The following BICC1 variants were observed in gnomAD, a reference collection of about 807,000 sequenced individuals.
The protein encoded by BICC1 is protein bicaudal C homolog 1.
A neutral mutation model predicts 111.0 loss-of-function variants in BICC1; 43 were observed. The ratio of observed to expected loss-of-function variants is 0.39; its 90% confidence interval spans 0.30 to 0.50. The LOEUF (loss-of-function observed/expected upper bound fraction) is 0.50, where lower values mean the gene tolerates loss of function less well. Ranked by LOEUF, BICC1 falls within the 20% of genes least tolerant of loss-of-function variation. BICC1 has a pLI of 0.88. For missense variants in BICC1, 1,091 were observed against 1,203.2 expected, an observed-to-expected ratio of 0.91 and a Z score of 1.38; for synonymous variants, 467 against 434.4, an observed-to-expected ratio of 1.07 and a Z score of -0.93.
At chr10:58,582,249 C>T (rs1844302979) in intron 1 of BICC1, among the ~76,000 whole-genome samples, 1 of 152,144 alleles carries the variant, frequency 6.6e-6, no homozygotes, top group South Asian at 2.1e-4. Flanking sequence ...AAACTCTCCA[C>T]TTTATATTTA....
chr10:58,601,607 C>T (rs953588530), intron 1 of BICC1, among the ~76,000 whole-genome samples: 1 of 151,912 alleles, frequency 6.6e-6, no homozygotes, highest in African/African-American at 2.4e-5. Context: ...AATAGAATTA[C>T]TGGATCAAGT....
At chr10:58,721,517 A>C (rs1166189892) in intron 3 of BICC1, among the ~76,000 whole-genome samples, 1 of 152,226 alleles carries the variant, frequency 6.6e-6, no homozygotes, top group Non-Finnish European at 1.5e-5. Context: ...GTGCAGGAAT[A>C]TGGCAAAATG....
chr10:58,682,707 C>T (rs945028236), intron 2 of BICC1, among the ~76,000 whole-genome samples: 22 of 152,134 alleles, frequency 1.4e-4, no homozygotes, highest in Non-Finnish European at 2.2e-4. Flanking sequence ...TCATATCCTT[C>T]GCCCACTTTT....
intron 3 of BICC1, among the ~76,000 whole-genome samples, chr10:58,778,065 T>C (rs1842794475): frequency 6.6e-6 from 1 of 151,790 alleles, no homozygotes; most frequent in Non-Finnish European, 1.5e-5. Context: ...TACAAAAAAT[T>C]AGCCAGGCAT....
At chr10:58,790,791 C>G (rs1771820361) in intron 8 of BICC1, among the ~76,000 whole-genome samples, 1 of 152,172 alleles carries the variant, frequency 6.6e-6, no homozygotes. Context: ...CACCACTGCA[C>G]TGCATTTCAA....
intron 2 of BICC1, among the ~76,000 whole-genome samples, chr10:58,663,003 G>T (rs1406925237): frequency 1.3e-5 from 2 of 151,372 alleles, no homozygotes; most frequent in Non-Finnish European, 1.5e-5. Context: ...ATAAATGAAA[G>T]ATGTCATTTT....
At chr10:58,714,486 G>A (rs2132496693) in intron 3 of BICC1, among the ~76,000 whole-genome samples, 1 of 152,186 alleles carries the variant, frequency 6.6e-6, no homozygotes, top group East Asian at 1.9e-4. Context: ...CTCCATGAGT[G>A]TTTCACGTTA....
intron 2 of BICC1, among the ~76,000 whole-genome samples, chr10:58,624,153 G>T (rs1422911571): frequency 6.6e-6 from 1 of 152,128 alleles, no homozygotes; most frequent in Non-Finnish European, 1.5e-5. Flanking sequence ...GCAACACGTG[G>T]ATCTCTGCCT....
At chr10:58,727,873 A>G (rs112845679) in intron 3 of BICC1, among the ~76,000 whole-genome samples, 68 of 152,322 alleles carry the variant, frequency 4.5e-4, no homozygotes, top group African/African-American at 1.4e-3. Context: ...TAGTTTACCA[A>G]TGCATATAAA....
intron 2 of BICC1, 134 bp from the exon 3 acceptor site, chr10:58,701,940 T>TTG: frequency 1.7e-6 from 1 of 575,366 alleles, no homozygotes. Flanking sequence ...TTTCTTTGCA[T>TTG]TGTTTTCAAA....
At chr10:58,631,299 A>G (rs1168651103) in intron 2 of BICC1, among the ~76,000 whole-genome samples, 1 of 152,162 alleles carries the variant, frequency 6.6e-6, no homozygotes, top group Non-Finnish European at 1.5e-5. Flanking sequence ...TGATCCTTGA[A>G]TAGATGTATT....
upstream of BICC1, among the ~76,000 whole-genome samples, chr10:58,512,437 A>G (rs1164720480): frequency 1.3e-5 from 2 of 152,088 alleles, no homozygotes; most frequent in Admixed American, 6.5e-5. Flanking sequence ...AAACAGCGGA[A>G]TTGTGTATGC....
chr10:58,764,629 C>CTTT (rs11366847), intron 3 of BICC1, among the ~76,000 whole-genome samples: 74 of 117,494 alleles, frequency 6.3e-4, no homozygotes, highest in Middle Eastern at 5.0e-3. Context: ...TAATTTCCTT[C>CTTT]TTTTTTTTTT....
At chr10:58,683,102 G>A (rs907940766) in intron 2 of BICC1, among the ~76,000 whole-genome samples, 3 of 152,136 alleles carry the variant, frequency 2.0e-5, no homozygotes, top group African/African-American at 4.8e-5. Flanking sequence ...TCTACATATG[G>A]CTAGCCAGTT....
intron 2 of BICC1, among the ~76,000 whole-genome samples, chr10:58,640,508 C>G (rs1052298209): frequency 6.6e-6 from 1 of 152,184 alleles, no homozygotes; most frequent in African/African-American, 2.4e-5. Flanking sequence ...TTTGTGACCT[C>G]TTAAATCTCT....
At chr10:58,596,270 A>C (rs970931005) in intron 1 of BICC1, among the ~76,000 whole-genome samples, 3 of 152,218 alleles carry the variant, frequency 2.0e-5, no homozygotes, top group African/African-American at 7.2e-5. Flanking sequence ...ACACGAATCA[A>C]TAAATGTAAT....
Position 58,525,427 on chromosome 10 carries a change from C to T in BICC1, c.190+12094C>T, listed in dbSNP as rs903512021. The stretch of plus-strand genomic sequence containing the variant: ...TCTCCTTGGTAGGGCATGGATGAAG[C>T]GGGAAACCATCATTCTCAGCAAACT... On this transcript the variant is annotated intron_variant, in intron 1 of 20. Coordinates refer to ENST00000373886, the MANE Select transcript of BICC1 (RefSeq NM_001080512.3). Among the ~76,000 whole-genome samples, 5 of 111,998 alleles carry T rather than the reference C, an allele frequency of 4.5e-5. 1 individual carries two copies. The highest frequency in any genetic ancestry group is 8.2e-5 in the Non-Finnish European group (4 of 48,624). 73.5% of individuals were successfully genotyped at this position (111,998 alleles called of 152,430 possible).
rs376839698 is a variant in BICC1, at chr10:58,663,817, A to G, written c.238-38257A>G. Among the ~76,000 whole-genome samples, 8 of 152,228 alleles carry G rather than the reference A, an allele frequency of 5.3e-5. No individual in the cohort carries two copies. In the South Asian group the frequency reaches 1.7e-3, roughly 32 times the overall value. On this transcript the variant is annotated intron_variant, in intron 2 of 20. Coordinates refer to ENST00000373886, the MANE Select transcript of BICC1 (RefSeq NM_001080512.3). ...GGAGATGGTTGGTTTAAATAGAATC[A>G]TATGCTATAGTCTTTTGTCTTCTTT...
chr10:58,715,560 A>G, intron 3 of BICC1: 1 of 1,529,502 alleles, frequency 6.5e-7, no homozygotes, highest in Non-Finnish European at 9.1e-7. Flanking sequence ...CACCATGGGG[A>G]AGCGGGACAA....
Sources: allele counts gnomAD v4.1 joint callset (sites outside exome capture counted in the v4.1 genomes callset), GRCh38; gene constraint gnomAD v4.1.1; transcripts MANE v1.5; gene names NCBI Gene and HGNC (gene_info 2026-07-23, HGNC 2026-07-21).